Variants in RAP1GAP2 observed in about 807,000 individuals in gnomAD.
RAP1GAP2 encodes rap1 GTPase-activating protein 2.
In RAP1GAP2, 27 loss-of-function variants were observed where a neutral mutation model predicts 95.0. That is an observed-to-expected ratio of 0.28 (90% CI 0.21 to 0.39). RAP1GAP2 has a LOEUF of 0.39. Ranked by LOEUF, RAP1GAP2 falls within the 10% of genes least tolerant of loss-of-function variation. The probability of loss-of-function intolerance (pLI) is 1.00; values close to 1 mark genes in which losing one functional copy is unlikely to be tolerated. For missense variants in RAP1GAP2, 771 were observed against 970.0 expected (o/e 0.79, Z 2.72); for synonymous variants, 373 against 380.9 (o/e 0.98, Z 0.24).
At chr17:2,808,540 C>T (rs61146606) in intron 2 of RAP1GAP2, among the ~76,000 whole-genome samples, 2,017 of 152,160 alleles carry the variant, frequency 0.013, 57 homozygotes, top group African/African-American at 0.045. Flanking sequence ...GGCTGGTCTG[C>T]GGCCTGGGAA....
At position 3,010,849 on chromosome 17, in the gene RAP1GAP2, G is replaced by A. The variant is rs180912945; in HGVS notation, c.1494+2704G>A. Among the ~76,000 whole-genome samples, 109 of 152,330 alleles carry A rather than the reference G, an allele frequency of 7.2e-4. 3 individuals carry two copies. Among genetic ancestry groups the A allele is most frequent in the Admixed American group, 6.9e-3 (105 of 15,306 alleles). On this transcript the variant is annotated intron_variant, in intron 17 of 24. Transcript: ENST00000254695. ...CCTACCTGAGGTAGCACCGTGGGGC[G>A]TGGGAGAGACTGTGACAGTCACACA...
At chr17:3,007,783 A>G (rs2046382389) in intron 16 of RAP1GAP2, among the ~76,000 whole-genome samples, 1 of 151,974 alleles carries the variant, frequency 6.6e-6, no homozygotes, top group Non-Finnish European at 1.5e-5. Context: ...TGGTGGGACG[A>G]CCCAGGGAGA....
At chr17:2,921,766 G>C (rs1204556875) in intron 3 of RAP1GAP2, among the ~76,000 whole-genome samples, 1 of 117,392 alleles carries the variant, frequency 8.5e-6, no homozygotes, top group South Asian at 2.9e-4. Context: ...TAAGGTGTCC[G>C]CAGGGCCATG....
At chr17:2,874,241 C>T (rs565782840) in intron 2 of RAP1GAP2, among the ~76,000 whole-genome samples, 18 of 152,328 alleles carry the variant, frequency 1.2e-4, no homozygotes, top group Admixed American at 2.6e-4. Flanking sequence ...GGTACACCCT[C>T]CCTCCCCTTT....
chr17:2,846,966 G>T (rs1173302747), intron 2 of RAP1GAP2, among the ~76,000 whole-genome samples: 1 of 152,132 alleles, frequency 6.6e-6, no homozygotes, highest in African/African-American at 2.4e-5. Flanking sequence ...GATAATAATG[G>T]ATTTGAGTCA....
intron 3 of RAP1GAP2, among the ~76,000 whole-genome samples, chr17:2,932,122 C>T (rs1021519847): frequency 7.2e-5 from 11 of 152,260 alleles, no homozygotes; most frequent in Admixed American, 7.2e-4. Context: ...ACAGGAAGAG[C>T]CCAGATAATT....
intron 2 of RAP1GAP2, among the ~76,000 whole-genome samples, chr17:2,844,899 G>A (rs922394557): frequency 6.6e-6 from 1 of 152,098 alleles, no homozygotes; most frequent in South Asian, 2.1e-4. Flanking sequence ...ATTAGGAGTC[G>A]GGTAAAAGGG....
At chr17:2,942,232 G>A (rs887413440) in intron 3 of RAP1GAP2, among the ~76,000 whole-genome samples, 3 of 152,140 alleles carry the variant, frequency 2.0e-5, no homozygotes, top group Admixed American at 6.6e-5. Flanking sequence ...CGTATGGAAA[G>A]TGCCCAGTTC....
intron 3 of RAP1GAP2, among the ~76,000 whole-genome samples, chr17:2,927,005 C>CAAA (rs1242428206): frequency 3.5e-4 from 19 of 54,094 alleles, no homozygotes; most frequent in South Asian, 9.2e-4. Context: ...GACTCCATCT[C>CAAA]AAAAAAAAAA....
chr17:2,940,215 C>T (rs560416013), intron 3 of RAP1GAP2, among the ~76,000 whole-genome samples: 1 of 152,220 alleles, frequency 6.6e-6, no homozygotes, highest in East Asian at 1.9e-4. Context: ...ATGGAAGCCA[C>T]CCTTCACTCA....
rs935000442 is a variant in RAP1GAP2 at position 3,003,552 on chromosome 17, G to A, written c.1201-1817G>A. Among the ~76,000 whole-genome samples the A allele has an allele frequency of 6.6e-6, 1 of 152,072 alleles. No individual in the cohort carries two copies. The highest frequency in any genetic ancestry group is 1.5e-5 in the Non-Finnish European group (1 of 68,020). On this transcript the variant is annotated intron_variant, in intron 14 of 24. Transcript: ENST00000254695. The surrounding 1 kb of genome is among the most constrained non-coding windows in gnomAD (Gnocchi z 4.1). ...GCTCCCAGGCCACTCTTGGGCGTGG[G>A]GCCTTTGTCACGTTTGAAGCTTTCT...
At chr17:2,828,295 C>T (rs570596706) in intron 2 of RAP1GAP2, among the ~76,000 whole-genome samples, 13 of 152,150 alleles carry the variant, frequency 8.5e-5, no homozygotes, top group South Asian at 6.2e-4. Context: ...GAGCCGAGAT[C>T]GCGCCATTGC....
intron 2 of RAP1GAP2, among the ~76,000 whole-genome samples, chr17:2,801,092 C>T (rs1056623930): frequency 2.0e-5 from 3 of 151,388 alleles, no homozygotes; most frequent in Admixed American, 6.6e-5. Flanking sequence ...TCATGGTCCG[C>T]CCACCTAGGC....
intron 1 of RAP1GAP2, among the ~76,000 whole-genome samples, chr17:2,798,262 A>C (rs178564): frequency 0.24 from 36,940 of 152,050 alleles, 5,126 homozygotes; most frequent in Middle Eastern, 0.32. Context: ...GTGCTGGCTC[A>C]GTGTCCACTA....
intron 4 of RAP1GAP2, among the ~76,000 whole-genome samples, chr17:2,959,923 G>A (rs576579300): frequency 3.7e-4 from 56 of 152,100 alleles, no homozygotes; most frequent in African/African-American, 1.2e-3. Flanking sequence ...TCAGGAGTTC[G>A]AGACCAGCCT....
chr17:2,803,344 T>C (rs1026250314), intron 2 of RAP1GAP2, among the ~76,000 whole-genome samples: 6 of 152,098 alleles, frequency 3.9e-5, no homozygotes, highest in Middle Eastern at 3.2e-3. Context: ...CCCAGTGTCA[T>C]CTGGTTACGC....
intron 3 of RAP1GAP2, among the ~76,000 whole-genome samples, chr17:2,918,345 A>G (rs185643621): frequency 1.3e-5 from 2 of 150,762 alleles, no homozygotes; most frequent in African/African-American, 4.9e-5. Context: ...AGGCAGGAGA[A>G]TCACTTGAAC....
chr17:2,790,107 A>C (rs1417356949), intron 1 of RAP1GAP2, among the ~76,000 whole-genome samples: 2 of 146,324 alleles, frequency 1.4e-5, no homozygotes, highest in Non-Finnish European at 3.0e-5. Context: ...TTTCTCCATC[A>C]TCCTTTTTTT....
chr17:2,986,261 C>T (rs779485064), intron 11 of RAP1GAP2, among the ~76,000 whole-genome samples: 17 of 152,224 alleles, frequency 1.1e-4, no homozygotes, highest in Non-Finnish European at 1.6e-4. Context: ...ATCTGCAAGA[C>T]GAACACTGAT....
Sources: allele counts gnomAD v4.1 joint callset (sites outside exome capture counted in the v4.1 genomes callset), GRCh38; gene constraint gnomAD v4.1.1; non-coding constraint Gnocchi (gnomAD v3.1); transcripts MANE v1.5; gene names NCBI Gene and HGNC (gene_info 2026-07-23, HGNC 2026-07-21).